The following PCDHA1 variants were observed in gnomAD, a reference collection of about 807,000 sequenced individuals.
The protein encoded by PCDHA1 is protocadherin alpha-1.
Under a neutral mutation model 61.3 loss-of-function variants are expected in PCDHA1, and 42 were observed. That is an observed-to-expected ratio of 0.69 (90% CI 0.54 to 0.89). The LOEUF is 0.89. PCDHA1 is among the 40% of genes least tolerant of loss of function. The pLI is 0.00. For missense variants in PCDHA1, 1,256 were observed against 1,235.3 expected, an observed-to-expected ratio of 1.02 and a Z score of -0.25; for synonymous variants, 610 against 553.8, an observed-to-expected ratio of 1.10 and a Z score of -1.43.
chr5:140,851,923 T>G, intron 1 of PCDHA1: 1 of 967,860 alleles, frequency 1.0e-6, no homozygotes, highest in Non-Finnish European at 1.2e-6. Flanking sequence ...CATGTTATGT[T>G]TCCTGAATTG....
intron 1 of PCDHA1, chr5:140,875,507 A>G: frequency 6.2e-7 from 1 of 1,613,674 alleles, no homozygotes. Context: ...CCGGGATCCC[A>G]GCGTCTGCTG....
Position 140,868,975 on chromosome 5 carries a change from A to G in PCDHA1, c.2394+80291A>G, listed in dbSNP as rs1379610882. 4.1e-6 allele frequency: 6 copies of G among 1,479,060 alleles called. No individual in the cohort carries two copies. The South Asian group carries it at 7.0e-5, about 17-fold the overall frequency. The allele number at this position is 1,479,060 out of a possible 1,614,324, so 91.6% of individuals were successfully genotyped here. A position where few individuals can be genotyped will look rare whatever the true frequency, so the allele number is the denominator to read the frequency against. The stretch of plus-strand genomic sequence containing the variant: ...CACTCCCATACAAAGGAACTCCATC[A>G]TACCGGATGCCACCGTTTAAGGATC... On this transcript the variant is annotated intron_variant, in intron 1 of 3. Transcript: ENST00000504120.
chr5:140,828,239 C>G, intron 1 of PCDHA1: 1 of 1,613,974 alleles, frequency 6.2e-7, no homozygotes, highest in South Asian at 1.1e-5. Flanking sequence ...CCGGATCGCG[C>G]AGGACCTGGG....
rs17844337 is a variant in PCDHA1 at position 140,851,004 on chromosome 5, A to AT, written c.2394+62328dup. The AT allele has an allele frequency of 8.9e-5, 128 of 1,434,992 alleles. 10 individuals are homozygous for AT. Among genetic ancestry groups the AT allele is most frequent in the East Asian group, 7.3e-4 (30 of 41,268 alleles). 88.9% of individuals were successfully genotyped at this position (1,434,992 alleles called of 1,614,324 possible). ...ATTCATTTTTCTAGAAATCCAGCAG[A>AT]TTTTTTTTCTGATAAAGTAAACCCC... On this transcript the variant is annotated intron_variant, in intron 1 of 3. Coordinates refer to ENST00000504120, the MANE Select transcript of PCDHA1 (RefSeq NM_018900.4).
chr5:140,788,261 G>A lies in PCDHA1; in HGVS notation c.1971G>A (p.Pro657=), dbSNP rs376407441. Residue 657 remains proline, a synonymous_variant, in exon 1 of 4, where the codon CCG becomes CCA. Transcript: ENST00000504120. ...TGCTAGTGAAGGATCACGGTGAGCC[G>A]GCGCTGACAGCCACGGCCACTGTGC... ...LLVLVKDHGE[P]ALTATATVLV... 1.1e-5 allele frequency: 18 copies of A among 1,613,936 alleles called. No individual in the cohort carries two copies. In the African/African-American group the frequency reaches 2.1e-4, roughly 19 times the overall value.
intron 1 of PCDHA1, among the ~76,000 whole-genome samples, chr5:140,965,466 A>C (rs1364686627): frequency 2.6e-5 from 4 of 152,002 alleles, no homozygotes; most frequent in Non-Finnish European, 4.4e-5. Flanking sequence ...GATAAATCCC[A>C]GACTCCCACA....
At chr5:140,967,699 T>C (rs781874469) in intron 1 of PCDHA1, 9 of 1,614,154 alleles carry the variant, frequency 5.6e-6, no homozygotes, top group Non-Finnish European at 7.6e-6. Context: ...TCAGCATAGA[T>C]GCCAGTACCG....
chr5:140,931,473 A>G (rs2087545332), intron 1 of PCDHA1, among the ~76,000 whole-genome samples: 1 of 152,066 alleles, frequency 6.6e-6, no homozygotes, highest in Admixed American at 6.6e-5. Flanking sequence ...TGACAGAGGA[A>G]AAAACAACCC....
Position 140,853,221 on chromosome 5 carries a change from G to A in PCDHA1, c.2394+64537G>A, listed in dbSNP as rs1021063668. 12 of 983,626 alleles carry A rather than the reference G, an allele frequency of 1.2e-5. 1 individual carries two copies. The highest frequency in any genetic ancestry group is 1.5e-5 in the Non-Finnish European group (12 of 816,248). The allele number at this position is 983,626 out of a possible 1,614,324, so 60.9% of individuals were successfully genotyped here. A position where few individuals can be genotyped will look rare whatever the true frequency, so the allele number is the denominator to read the frequency against. On this transcript the variant is annotated intron_variant, in intron 1 of 3. Transcript: ENST00000504120. ...TATTGACGGCTGTATTGATGGGATT[G>A]GTAATTTAGTCCTTCATATTAATCT...
At chr5:140,876,238 CA>C in intron 1 of PCDHA1, 4 of 1,613,896 alleles carry the variant, frequency 2.5e-6, no homozygotes, top group Non-Finnish European at 3.4e-6. Context: ...TGAAAATGTC[CA>C]AAACGACACA....
In PCDHA1 at chr5:140,800,809, G is replaced by A. The variant is rs563523527; in HGVS notation, c.2394+12125G>A. Among the ~76,000 whole-genome samples, 7 of 152,318 alleles carry A rather than the reference G, an allele frequency of 4.6e-5. No individual in the cohort carries two copies. In the East Asian group the frequency reaches 1.3e-3, roughly 29 times the overall value. On this transcript the variant is annotated intron_variant, in intron 1 of 3. Coordinates refer to ENST00000504120, the MANE Select transcript of PCDHA1 (RefSeq NM_018900.4). ...TTAAAACAGGAATCACAATATTTTA[G>A]TGTATGTCATGAATTAGCACAATTG...
intron 3 of PCDHA1, among the ~76,000 whole-genome samples, chr5:140,984,397 G>A (rs1400095442): frequency 1.3e-5 from 2 of 152,112 alleles, no homozygotes; most frequent in African/African-American, 4.8e-5. Context: ...AAAATGTTGA[G>A]AACCTATCTT....
chr5:140,896,137 G>A (rs547993953), intron 1 of PCDHA1, among the ~76,000 whole-genome samples: 16 of 152,260 alleles, frequency 1.1e-4, no homozygotes, highest in African/African-American at 3.1e-4. Flanking sequence ...TTTATCCAGT[G>A]CACCATTGAT....
At chr5:140,927,891 GA>G (rs1554205193) in intron 1 of PCDHA1, 1 of 1,614,192 alleles carries the variant, frequency 6.2e-7, no homozygotes, top group Admixed American at 1.7e-5. Context: ...TGACTGACGT[GA>G]ACGATCATGC....
chr5:140,882,587 G>C (rs559310344), intron 1 of PCDHA1: 9 of 1,614,256 alleles, frequency 5.6e-6, no homozygotes, highest in Non-Finnish European at 6.8e-6. Flanking sequence ...CATCCACCTG[G>C]AGGTGATCGT....
intron 1 of PCDHA1, chr5:140,821,793 A>C: frequency 6.2e-7 from 1 of 1,612,486 alleles, no homozygotes; most frequent in Non-Finnish European, 8.5e-7. Flanking sequence ...ATTCCCGGAG[A>C]GGAAGTCTGG....
chr5:140,803,235 TC>T (rs1562192756), intron 1 of PCDHA1: 1 of 1,613,652 alleles, frequency 6.2e-7, no homozygotes, highest in African/African-American at 1.3e-5. Context: ...CAAGGCCTCG[TC>T]CCAGGCGTCC....
intron 1 of PCDHA1, among the ~76,000 whole-genome samples, chr5:140,943,772 T>G (rs371770047): frequency 2.9e-4 from 44 of 152,232 alleles, no homozygotes; most frequent in African/African-American, 6.7e-4. Context: ...GGAAAAAAAC[T>G]AGGAAGTGGT....
Position 140,788,549 on chromosome 5 carries a change from G to A in PCDHA1, c.2259G>A (p.Gln753=). ...SALGSWSNSQ[Q]RRQRVCSSEG... ...TGGGGAGCTGGTCGAACTCACAGCA[G>A]AGGCGGCAGAGGGTGTGCTCTAGCG... The change falls in exon 1 of 4, where the codon CAG becomes CAA. Residue 753 remains glutamine, a synonymous_variant. Coordinates refer to ENST00000504120, the MANE Select transcript of PCDHA1 (RefSeq NM_018900.4). 1 of 1,614,136 alleles carries A rather than the reference G, an allele frequency of 6.2e-7. No homozygotes were observed. The highest frequency in any genetic ancestry group is 1.1e-5 in the South Asian group (1 of 91,068).
Sources: allele counts gnomAD v4.1 joint callset (sites outside exome capture counted in the v4.1 genomes callset), GRCh38; gene constraint gnomAD v4.1.1; transcripts MANE v1.5; gene names NCBI Gene and HGNC (gene_info 2026-07-23, HGNC 2026-07-21).